The following UIMC1 variants were observed in gnomAD, a reference collection of about 807,000 sequenced individuals.
The protein encoded by UIMC1 is ubiquitin interaction motif containing 1.
UIMC1 carries 42 observed loss-of-function variants against 84.9 expected under a neutral mutation model. The observed-to-expected ratio is 0.49, with a 90% CI of 0.39 to 0.64. The LOEUF (loss-of-function observed/expected upper bound fraction) is 0.64, where lower values mean the gene tolerates loss of function less well. Among genes scored for constraint, UIMC1 ranks in the 30% least tolerant of loss-of-function variants. The probability of loss-of-function intolerance (pLI) is 0.00; values close to 1 mark genes in which losing one functional copy is unlikely to be tolerated. For synonymous variants in UIMC1, 281 were observed against 293.0 expected, an observed-to-expected ratio of 0.96 and a Z score of 0.42; for missense variants, 825 against 847.6, an observed-to-expected ratio of 0.97 and a Z score of 0.33.
In UIMC1 at chr5:176,908,668, G is replaced by A. The variant is rs760478281; in HGVS notation, c.1703C>T (p.Ser568Phe). 2 of 1,613,740 alleles carry A rather than the reference G, an allele frequency of 1.2e-6. No individual in the cohort carries two copies. Among genetic ancestry groups the A allele is most frequent in the Admixed American group, 1.7e-5 (1 of 60,000 alleles). ...CTGATACTCTCTAAATGGGACCAGG[G>A]ATTTACAGAGGTAACACTTCTCATT... ...DKNEKCYLCK[S>F]LVPFREYQCH... The change falls in exon 12 of 15, where the codon TCC (serine) becomes TTC (phenylalanine). Residue 568 changes from serine (S) to phenylalanine (F), a missense_variant. Transcript: ENST00000511320.
chr5:176,907,022 T>C, intron 13 of UIMC1, 92 bp downstream of exon 13: 4 of 1,344,342 alleles, frequency 3.0e-6, no homozygotes, highest in Non-Finnish European at 3.1e-6. Flanking sequence ...TGTACCCAGA[T>C]AACCACAGCA....
intron 1 of UIMC1, among the ~76,000 whole-genome samples, chr5:176,986,359 CAAAAA>C (rs71583560): frequency 8.2e-4 from 23 of 28,016 alleles, no homozygotes; most frequent in African/African-American, 2.0e-3. Context: ...GACTTCATCT[CAAAAA>C]AAAAAAAAAA....
chr5:176,995,537 C>CAAAAAAAA (rs57521139), intron 1 of UIMC1, among the ~76,000 whole-genome samples: 1 of 36,562 alleles, frequency 2.7e-5, no homozygotes, highest in African/African-American at 1.0e-4. Flanking sequence ...ACTCTGTCTC[C>CAAAAAAAA]AAAAAAAAAA....
At chr5:176,935,494 T>C (rs1045866750) in intron 10 of UIMC1, among the ~76,000 whole-genome samples, 2 of 152,224 alleles carry the variant, frequency 1.3e-5, no homozygotes, top group African/African-American at 4.8e-5. Context: ...ATTTGATTTG[T>C]ATATATCCCC....
At chr5:177,009,628 A>G (rs1775500042), upstream of UIMC1, among the ~76,000 whole-genome samples, 1 of 152,204 alleles carries the variant, frequency 6.6e-6, no homozygotes, top group Non-Finnish European at 1.5e-5. The surrounding 1 kb of genome is among the most constrained non-coding windows in gnomAD (Gnocchi z 4.3). Context: ...TTAAGAAATG[A>G]AAAACTAAAT....
At chr5:177,012,818 C>T (rs1462538209) in intron 1 of UIMC1, among the ~76,000 whole-genome samples, 1 of 152,082 alleles carries the variant, frequency 6.6e-6, no homozygotes, top group Non-Finnish European at 1.5e-5. Context: ...GATGTTTAAA[C>T]AAGCTCTTAC....
intron 10 of UIMC1, among the ~76,000 whole-genome samples, chr5:176,914,471 G>A (rs1174999300): frequency 6.6e-6 from 1 of 152,164 alleles, no homozygotes; most frequent in African/African-American, 2.4e-5. Flanking sequence ...TCTTCAATGT[G>A]CAAGTAATTT....
Position 177,005,967 on chromosome 5 carries a change from A to G in UIMC1, c.-9+683T>C, listed in dbSNP as rs201914278. 2.0e-5 allele frequency among the ~76,000 whole-genome samples: 3 copies of G among 152,302 alleles called. No homozygotes were observed. In the East Asian group the frequency reaches 5.8e-4, roughly 29 times the overall value. ...GAAACGCGCCGGCCCTGCGGGGGCG[A>G]AATCGTCTAGGACGATAGGGATCTC... On this transcript the variant is annotated intron_variant, in intron 1 of 14. Transcript: ENST00000511320.
chr5:176,980,011 A>T (rs1390701822), intron 2 of UIMC1: 1 of 152,026 alleles, frequency 6.6e-6, no homozygotes, highest in East Asian at 1.9e-4. Flanking sequence ...AGGAAAGGCA[A>T]ATTTGTCTCT....
chr5:176,923,603 C>T (rs559977781), intron 10 of UIMC1, among the ~76,000 whole-genome samples: 2 of 150,702 alleles, frequency 1.3e-5, no homozygotes, highest in African/African-American at 4.9e-5. Flanking sequence ...GTGGCTCACA[C>T]CTGTAATCCC....
intron 2 of UIMC1, among the ~76,000 whole-genome samples, chr5:176,979,329 T>C (rs182782238): frequency 3.0e-4 from 46 of 152,076 alleles, no homozygotes; most frequent in Admixed American, 7.9e-4. Context: ...TTTAGAAAGG[T>C]GGAAAAGAGC....
At chr5:176,939,593 G>C (rs1468931993) in intron 10 of UIMC1, among the ~76,000 whole-genome samples, 4 of 152,140 alleles carry the variant, frequency 2.6e-5, no homozygotes. Flanking sequence ...TGTAGCCCAA[G>C]ATCAATAGGC....
chr5:176,950,411 T>C (rs1360974411), intron 9 of UIMC1, among the ~76,000 whole-genome samples: 2 of 151,850 alleles, frequency 1.3e-5, no homozygotes, highest in African/African-American at 4.8e-5. Flanking sequence ...AAGGAACCTT[T>C]CTTACAGTGC....
chr5:176,963,888 G>GT (rs1767909114), intron 6 of UIMC1, among the ~76,000 whole-genome samples: 1 of 151,644 alleles, frequency 6.6e-6, no homozygotes, highest in Non-Finnish European at 1.5e-5. Context: ...GAAAAATTAA[G>GT]TATCAGATTC....
chr5:176,964,873 C>T (rs1768042813), intron 6 of UIMC1, among the ~76,000 whole-genome samples: 1 of 152,136 alleles, frequency 6.6e-6, no homozygotes, highest in East Asian at 1.9e-4. Context: ...CCACAGCTGA[C>T]TGGGCTACTG....
intron 1 of UIMC1, among the ~76,000 whole-genome samples, chr5:176,986,774 T>C (rs558622029): frequency 2.0e-5 from 3 of 151,974 alleles, no homozygotes; most frequent in Non-Finnish European, 4.4e-5. Context: ...AAAAAAACAA[T>C]GTCTGCTTTA....
chr5:176,911,002 T>A (rs1334111210), intron 11 of UIMC1, among the ~76,000 whole-genome samples: 1 of 150,798 alleles, frequency 6.6e-6, no homozygotes. Context: ...GACAGGAGAA[T>A]CGCTTGAACC....
chr5:176,908,863 C>T (rs997650665), intron 11 of UIMC1, among the ~76,000 whole-genome samples, 169 bp from the exon 12 acceptor site: 4 of 152,188 alleles, frequency 2.6e-5, no homozygotes, highest in Admixed American at 6.5e-5. Context: ...ACTAATCCAA[C>T]GCCAATCAAA....
chr5:176,943,337 G>C lies in UIMC1; in HGVS notation c.1595C>G (p.Thr532Arg). ...TGGCTGTCCTGCTGGGTCTTTACCT[G>C]TATCTTCCTCCATCAGACCATTGCA... ...MYCNGLMEED[T>R]VLTRRQKEAK... The change falls in exon 10 of 15, where the codon ACA becomes AGA. Residue 532 changes from threonine (T) to arginine (R), a missense_variant and splice_region_variant. Physicochemically the swap from Thr to Arg is moderately conservative, Grantham distance 71. Transcript: ENST00000511320. The C allele has an allele frequency of 6.2e-7, 1 of 1,613,622 alleles. No individual in the cohort carries two copies.
Sources: allele counts gnomAD v4.1 joint callset (sites outside exome capture counted in the v4.1 genomes callset), GRCh38; gene constraint gnomAD v4.1.1; non-coding constraint Gnocchi (gnomAD v3.1); transcripts MANE v1.5; gene names NCBI Gene and HGNC (gene_info 2026-07-23, HGNC 2026-07-21).